Variants in KCNMB2 observed in about 807,000 individuals in gnomAD.
KCNMB2 encodes calcium-activated potassium channel subunit beta-2.
Under a neutral mutation model 24.5 loss-of-function variants are expected in KCNMB2, and 9 were observed. That is an observed-to-expected ratio of 0.37 (90% confidence interval 0.22 to 0.64). KCNMB2 has a LOEUF of 0.64. KCNMB2 is among the 30% of genes least tolerant of loss of function. The pLI is 0.63. For synonymous variants in KCNMB2, 109 were observed against 104.4 expected (o/e 1.04, Z -0.27); for missense variants, 226 against 284.3 (o/e 0.79, Z 1.47).
At chr3:178,673,573 G>A (rs1720976257) in intron 1 of KCNMB2, among the ~76,000 whole-genome samples, 1 of 151,958 alleles carries the variant, frequency 6.6e-6, no homozygotes, top group African/African-American at 2.4e-5. Flanking sequence ...TGAACTGTCA[G>A]GACACGTGTG....
Position 178,756,718 on chromosome 3 carries a change from T to C in KCNMB2, c.-67-50625T>C, listed in dbSNP as rs541630024. Among the ~76,000 whole-genome samples, 3 of 152,212 alleles carry C rather than the reference T, an allele frequency of 2.0e-5. No individual in the cohort carries two copies. In the East Asian group the frequency reaches 5.8e-4, roughly 29 times the overall value. On this transcript the variant is annotated intron_variant, in intron 1 of 4. Coordinates refer to ENST00000452583, the MANE Select transcript of KCNMB2 (RefSeq NM_181361.3). Reference sequence around the variant, plus strand: ...GCACTACTGATGCTACTTTAGCACTTTCCAGAGCAACCTCACCTACAGGCA... The same window carrying C: ...GCACTACTGATGCTACTTTAGCACTCTCCAGAGCAACCTCACCTACAGGCA...
chr3:178,735,627 A>G (rs1250095766), intron 1 of KCNMB2, among the ~76,000 whole-genome samples: 1 of 152,202 alleles, frequency 6.6e-6, no homozygotes, highest in Non-Finnish European at 1.5e-5. Context: ...ATACATATCT[A>G]AAGTGGAGGT....
At chr3:178,823,176 T>C (rs931573483) in intron 2 of KCNMB2, among the ~76,000 whole-genome samples, 1 of 152,184 alleles carries the variant, frequency 6.6e-6, no homozygotes, top group Non-Finnish European at 1.5e-5. Context: ...TTGATGTAAA[T>C]CCTAGAATTT....
chr3:178,721,877 CT>C lies in KCNMB2; in HGVS notation c.-67-85463del, dbSNP rs202183738. 7.9e-3 allele frequency among the ~76,000 whole-genome samples: 1,198 copies of C among 152,264 alleles called. 15 individuals are homozygous for C. Among genetic ancestry groups the C allele is most frequent in the African/African-American group, 0.028 (1,165 of 41,564 alleles). On this transcript the variant is annotated intron_variant, in intron 1 of 4. Coordinates refer to ENST00000452583, the MANE Select transcript of KCNMB2 (RefSeq NM_181361.3). ...TGGTAATTTTCCATTTTTAAATCTA[CT>C]TTGGTGAAATGTCTGTTCAAGCCAT...
intron 1 of KCNMB2, among the ~76,000 whole-genome samples, chr3:178,720,089 C>A (rs957106406): frequency 6.6e-6 from 1 of 152,096 alleles, no homozygotes; most frequent in Non-Finnish European, 1.5e-5. Context: ...ATTAACTCGT[C>A]ATTTAGCATT....
At position 178,631,370 on chromosome 3, in the gene KCNMB2, A is replaced by C. The variant is rs146087829; in HGVS notation, c.-68+94659A>C. ...TATTAGTGCTGTCAGTAACAGCTAC[A>C]TTGAGACTGAAAAGGCTAGGGGACC... On this transcript the variant is annotated intron_variant, in intron 1 of 4. Coordinates refer to ENST00000452583, the MANE Select transcript of KCNMB2 (RefSeq NM_181361.3). Among the ~76,000 whole-genome samples, 219 of 152,352 alleles carry C rather than the reference A, an allele frequency of 1.4e-3. 1 individual carries two copies. Among genetic ancestry groups the C allele is most frequent in the African/African-American group, 4.9e-3 (203 of 41,586 alleles).
At chr3:178,747,029 T>G (rs112199911) in intron 1 of KCNMB2, 1 of 152,618 alleles carries the variant, frequency 6.6e-6, no homozygotes, top group Non-Finnish European at 1.5e-5. Flanking sequence ...TTTTCAGGTA[T>G]CTTTTCCACA....
intron 1 of KCNMB2, among the ~76,000 whole-genome samples, chr3:178,689,321 G>A (rs1014153364): frequency 1.2e-4 from 19 of 152,106 alleles, no homozygotes; most frequent in Admixed American, 9.8e-4. Flanking sequence ...AGCTAGAACC[G>A]CCTTGCATTT....
chr3:178,713,875 A>G (rs971634029), intron 1 of KCNMB2, among the ~76,000 whole-genome samples: 2 of 152,194 alleles, frequency 1.3e-5, no homozygotes, highest in Non-Finnish European at 2.9e-5. Context: ...GCTCCCAAGT[A>G]ATATAGCCCC....
At chr3:178,717,048 A>G (rs1350626410) in intron 1 of KCNMB2, among the ~76,000 whole-genome samples, 9 of 151,986 alleles carry the variant, frequency 5.9e-5, no homozygotes, top group African/African-American at 2.2e-4. Context: ...AAATTTCAGC[A>G]ACTTAAAAAA....
intron 1 of KCNMB2, among the ~76,000 whole-genome samples, chr3:178,679,052 G>T (rs775255489): frequency 3.4e-4 from 28 of 81,200 alleles, no homozygotes; most frequent in African/African-American, 1.5e-3. Context: ...TTTTTGTTTT[G>T]TTTTTGTTTT....
intron 1 of KCNMB2, among the ~76,000 whole-genome samples, chr3:178,775,930 C>G (rs1242214328): frequency 2.4e-4 from 36 of 152,098 alleles, no homozygotes; most frequent in Non-Finnish European, 2.9e-5. Flanking sequence ...CAGAGGTATC[C>G]AGTAACTGAT....
rs1722668512 is a variant in KCNMB2, at chr3:178,717,807, G to GAGT, written c.-67-89533_-67-89531dup. On this transcript the variant is annotated intron_variant, in intron 1 of 4. Transcript: ENST00000452583. ...TAAGACAGCCTCGGGATAACCTGGG[G>GAGT]AGTAGGTAGACAAAGCAGATAAGTT... 1.3e-5 allele frequency among the ~76,000 whole-genome samples: 2 copies of GAGT among 151,954 alleles called. 1 individual carries two copies. The highest frequency in any genetic ancestry group is 4.8e-5 in the African/African-American group (2 of 41,432).
intron 1 of KCNMB2, among the ~76,000 whole-genome samples, chr3:178,759,187 A>C: frequency 9.1e-6 from 1 of 109,694 alleles, no homozygotes; most frequent in South Asian, 2.8e-4. Context: ...ATATATATCT[A>C]TCTCCAAGAG....
intron 1 of KCNMB2, among the ~76,000 whole-genome samples, chr3:178,783,616 C>T (rs11923735): frequency 0.45 from 62,071 of 137,538 alleles, 14,522 homozygotes; most frequent in African/African-American, 0.57. Flanking sequence ...TGTATAAGAA[C>T]GCTTGTGATT....
At chr3:178,679,389 C>A (rs879412095) in intron 1 of KCNMB2, among the ~76,000 whole-genome samples, 1 of 152,162 alleles carries the variant, frequency 6.6e-6, no homozygotes, top group Admixed American at 6.5e-5. Flanking sequence ...TGCCACCATA[C>A]CCAGCCTATG....
chr3:178,729,197 T>C (rs900815854), intron 1 of KCNMB2: 1 of 152,222 alleles, frequency 6.6e-6, no homozygotes, highest in African/African-American at 2.4e-5. Context: ...CTCAGTACTG[T>C]ATTTTTATCA....
chr3:178,672,156 T>C (rs1720921990), intron 1 of KCNMB2, among the ~76,000 whole-genome samples: 1 of 152,196 alleles, frequency 6.6e-6, no homozygotes, highest in Non-Finnish European at 1.5e-5. Context: ...TGAAGTTTTA[T>C]TGCCTTCATG....
intron 1 of KCNMB2, among the ~76,000 whole-genome samples, chr3:178,708,346 G>T (rs914426310): frequency 6.6e-6 from 1 of 152,092 alleles, no homozygotes; most frequent in African/African-American, 2.4e-5. Flanking sequence ...CAGCTTTCAT[G>T]GAGCACTAGC....
Sources: gnomAD v4.1 joint callset for allele counts (sites outside exome capture counted in the v4.1 genomes callset) on GRCh38, gnomAD v4.1.1 for gene constraint, MANE v1.5 for transcripts, NCBI Gene and HGNC (gene_info 2026-07-23, HGNC 2026-07-21) for gene names.